Variants in PPP2R5A observed in about 807,000 individuals in gnomAD.
The protein encoded by PPP2R5A is serine/threonine-protein phosphatase 2A 56 kDa regulatory subunit alpha isoform.
In PPP2R5A, 25 loss-of-function variants were observed where a neutral mutation model predicts 64.2. The ratio of observed to expected loss-of-function variants is 0.39; its 90% CI spans 0.28 to 0.54. The LOEUF is 0.54. Among genes scored for constraint, PPP2R5A ranks in the 20% least tolerant of loss-of-function variants. PPP2R5A has a pLI of 0.67. For missense variants in PPP2R5A, 425 were observed against 576.3 expected, an observed-to-expected ratio of 0.74 and a Z score of 2.69; for synonymous variants, 198 against 201.2, an observed-to-expected ratio of 0.98 and a Z score of 0.13.
rs1660085103 is a variant in PPP2R5A at position 212,361,658 on chromosome 1, G to A, written c.*888G>A. The A allele has an allele frequency of 6.6e-6, 1 of 152,664 alleles. No homozygotes were observed. The highest frequency in any genetic ancestry group is 2.1e-4 in the South Asian group (1 of 4,832). The allele number at this position is 152,664 out of a possible 1,614,324, so 9.5% of individuals were successfully genotyped here. ...GGCTTTATTTAAAGGAACTGCAGTA[G>A]GCTTCCTCTGTAGAGCTCTGAAAAG... is the stretch of plus-strand genomic sequence containing the variant. On this transcript the variant is annotated 3_prime_UTR_variant, in exon 13 of 13. Coordinates refer to ENST00000261461, the MANE Select transcript of PPP2R5A (RefSeq NM_006243.4).
chr1:212,340,397 C>G (rs1242397087), intron 3 of PPP2R5A, among the ~76,000 whole-genome samples: 2 of 152,126 alleles, frequency 1.3e-5, no homozygotes, highest in Non-Finnish European at 2.9e-5. Context: ...CATACCATCC[C>G]TAATGTCTGT....
At chr1:212,312,205 C>CCTT (rs879661586) in intron 1 of PPP2R5A, among the ~76,000 whole-genome samples, 2 of 152,186 alleles carry the variant, frequency 1.3e-5, no homozygotes, top group African/African-American at 2.4e-5. Flanking sequence ...AGCCTAGGAG[C>CCTT]AGTAGGCTCT....
At chr1:212,340,123 G>A (rs1477662339) in intron 3 of PPP2R5A, among the ~76,000 whole-genome samples, 2 of 150,832 alleles carry the variant, frequency 1.3e-5, no homozygotes, top group Non-Finnish European at 2.9e-5. Flanking sequence ...GTGAAACTCT[G>A]TCTCTAAAAA....
In PPP2R5A at chr1:212,285,519, A is replaced by G. The variant is rs1658475728; in HGVS notation, c.-592A>G. 1 of 152,356 alleles carries G rather than the reference A, an allele frequency of 6.6e-6. No individual in the cohort carries two copies. Among genetic ancestry groups the G allele is most frequent in the African/African-American group, 2.4e-5 (1 of 41,454 alleles). 9.4% of individuals were successfully genotyped at this position (152,356 alleles called of 1,614,324 possible). On this transcript the variant is annotated 5_prime_UTR_variant, in exon 1 of 13. Coordinates refer to ENST00000261461, the MANE Select transcript of PPP2R5A (RefSeq NM_006243.4). ...GGGGGTTCGGGCCGCCCAGCGCGGC[A>G]AGGAGCGAGTGTGTGCACGCAGAGG...
intron 3 of PPP2R5A, among the ~76,000 whole-genome samples, chr1:212,341,315 G>A (rs1233617067): frequency 3.3e-5 from 5 of 152,146 alleles, no homozygotes; most frequent in African/African-American, 4.8e-5. Flanking sequence ...CTGTACTTAC[G>A]TAATTTGGTT....
rs551762369 is a variant in PPP2R5A at position 212,357,671 on chromosome 1, C to T, written c.1226+387C>T. On this transcript the variant is annotated intron_variant, in intron 11 of 12. Coordinates refer to ENST00000261461, the MANE Select transcript of PPP2R5A (RefSeq NM_006243.4). ...ACAAAAAATTAGCCGGGCGTGGTGG[C>T]GGGCGCCTGTGGTCCCATCTACTCG... Among the ~76,000 whole-genome samples, 10 of 152,078 alleles carry T rather than the reference C, an allele frequency of 6.6e-5. No individual in the cohort carries two copies. In the East Asian group the frequency reaches 7.8e-4, roughly 12 times the overall value.
chr1:212,347,151 A>G (rs567405645), intron 5 of PPP2R5A, among the ~76,000 whole-genome samples, 196 bp from the exon 6 acceptor site: 1 of 152,342 alleles, frequency 6.6e-6, no homozygotes, highest in African/African-American at 2.4e-5. Context: ...AGGCATATGT[A>G]GTTCAGTAGG....
intron 3 of PPP2R5A, among the ~76,000 whole-genome samples, chr1:212,340,846 G>C (rs1236555598): frequency 6.6e-6 from 1 of 152,090 alleles, no homozygotes; most frequent in Non-Finnish European, 1.5e-5. Flanking sequence ...TGAATGATAA[G>C]GCCTAGATCT....
chr1:212,295,466 C>T (rs1006006908), intron 1 of PPP2R5A, among the ~76,000 whole-genome samples: 27 of 152,116 alleles, frequency 1.8e-4, no homozygotes, highest in Non-Finnish European at 2.8e-4. Flanking sequence ...GGATATGGAG[C>T]AATGTGCTAG....
At position 212,311,594 on chromosome 1, in the gene PPP2R5A, A is replaced by ATTACAAAAAAAAAAG. The variant is rs1243836438; in HGVS notation, c.182-17537_182-17523dup. Among the ~76,000 whole-genome samples the ATTACAAAAAAAAAAG allele has an allele frequency of 2.6e-5, 4 of 152,146 alleles. No homozygotes were observed. In the East Asian group the frequency reaches 5.8e-4, roughly 22 times the overall value. ...ATTTTAGAGTGTGCTCCTTCTACTT[A>ATTACAAAAAAAAAAG]TTACAAAAAAAAAAGTTAGCTGTAA... On this transcript the variant is annotated intron_variant, in intron 1 of 12. Coordinates refer to ENST00000261461, the MANE Select transcript of PPP2R5A (RefSeq NM_006243.4).
chr1:212,354,922 C>T (rs1022774442), intron 8 of PPP2R5A, among the ~76,000 whole-genome samples: 2 of 152,314 alleles, frequency 1.3e-5, no homozygotes, highest in Non-Finnish European at 2.9e-5. Flanking sequence ...CAAAAGGCTA[C>T]ACCATACAGC....
chr1:212,320,383 CT>C (rs1428554975), intron 1 of PPP2R5A, among the ~76,000 whole-genome samples: 1 of 152,210 alleles, frequency 6.6e-6, no homozygotes, highest in Non-Finnish European at 1.5e-5. Context: ...ATTTCTCAAT[CT>C]TTTCCCCACC....
chr1:212,287,105 G>T (rs940555598), intron 1 of PPP2R5A, among the ~76,000 whole-genome samples: 1 of 152,188 alleles, frequency 6.6e-6, no homozygotes, highest in Non-Finnish European at 1.5e-5. Context: ...TGGTATCCGT[G>T]CCTAATGCCT....
chr1:212,292,557 T>C (rs954749044), intron 1 of PPP2R5A, among the ~76,000 whole-genome samples: 2 of 152,148 alleles, frequency 1.3e-5, no homozygotes, highest in African/African-American at 2.4e-5. Context: ...GTTGATTCTT[T>C]TCTGTTTTGT....
At chr1:212,345,198 A>C (rs1219574551) in intron 4 of PPP2R5A, among the ~76,000 whole-genome samples, 1 of 151,340 alleles carries the variant, frequency 6.6e-6, no homozygotes, top group Non-Finnish European at 1.5e-5. Flanking sequence ...CTCATCTTTT[A>C]GTCCAGTGTT....
intron 3 of PPP2R5A, among the ~76,000 whole-genome samples, chr1:212,341,796 A>G (rs191473504): frequency 1.3e-5 from 2 of 152,202 alleles, no homozygotes; most frequent in African/African-American, 4.8e-5. Context: ...GTGCAGTGGT[A>G]CGGCACAGTC....
At chr1:212,288,616 T>A (rs1299719269) in intron 1 of PPP2R5A, among the ~76,000 whole-genome samples, 2 of 152,040 alleles carry the variant, frequency 1.3e-5, no homozygotes, top group African/African-American at 4.8e-5. Context: ...TGCTTGCAAG[T>A]GATTTAAAAA....
intron 3 of PPP2R5A, among the ~76,000 whole-genome samples, chr1:212,337,958 T>G (rs985143163): frequency 6.6e-6 from 1 of 152,202 alleles, no homozygotes; most frequent in Admixed American, 6.5e-5. Context: ...ATTAAAAACC[T>G]TATTTACGTT....
At chr1:212,347,485 G>T in intron 6 of PPP2R5A, 79 bp downstream of exon 6, 1 of 1,055,432 alleles carries the variant, frequency 9.5e-7, no homozygotes, top group Non-Finnish European at 1.4e-6. Flanking sequence ...TGGGGTTGGA[G>T]AAATTATGTC....
Sources: gnomAD v4.1 joint callset for allele counts (sites outside exome capture counted in the v4.1 genomes callset) on GRCh38, gnomAD v4.1.1 for gene constraint, MANE v1.5 for transcripts, NCBI Gene and HGNC (gene_info 2026-07-23, HGNC 2026-07-21) for gene names.